Variants in C1QBP observed in about 807,000 individuals in gnomAD.
The protein encoded by C1QBP is complement C1q binding protein.
Under a neutral mutation model 29.4 loss-of-function variants are expected in C1QBP, and 24 were observed. The ratio of observed to expected loss-of-function variants is 0.82; its 90% CI spans 0.59 to 1.15. The LOEUF (loss-of-function observed/expected upper bound fraction) is 1.15. Ranked by LOEUF, C1QBP falls within the 50% of genes most tolerant of loss-of-function variation. The pLI, the probability that C1QBP is intolerant of heterozygous loss-of-function variation, is 0.00. For synonymous variants in C1QBP, 182 were observed against 149.2 expected (o/e 1.22, Z -1.60); for missense variants, 337 against 355.8 (o/e 0.95, Z 0.43).
At chr17:5,438,464 A>G in intron 1 of C1QBP, 191 bp from the exon 2 acceptor site, 2 of 809,012 alleles carry the variant, frequency 2.5e-6, no homozygotes, top group Non-Finnish European at 3.7e-6. Context: ...GATTCTGGAA[A>G]AGTGATTTCC....
Position 5,434,911 on chromosome 17 carries a change from C to T in C1QBP, c.439G>A (p.Glu147Lys). The T allele has an allele frequency of 6.2e-7, 1 of 1,614,134 alleles. No individual in the cohort carries two copies. The highest frequency in any genetic ancestry group is 8.5e-7 in the Non-Finnish European group (1 of 1,179,980). The stretch of plus-strand genomic sequence containing the variant: ...ACCTTCTGCCCTTGCGAGGGTTCCT[C>T]CTCACCATCAAATGTTGGTGGGATG... ...NSIPPTFDGE[E>K]EPSQGQKVEE... The change falls in exon 3 of 6, where the codon GAG (glutamate) becomes AAG (lysine). Residue 147 changes from glutamate (E) to lysine (K), a missense_variant. Glu to Lys is a moderately conservative substitution (Grantham distance 56). Coordinates refer to ENST00000225698, the MANE Select transcript of C1QBP (RefSeq NM_001212.4).
chr17:5,434,773 ATTTT>A (rs59609565), intron 3 of C1QBP, 96 bp downstream of exon 3: 7 of 933,868 alleles, frequency 7.5e-6, no homozygotes, highest in Admixed American at 5.0e-5. Context: ...ACTTAGAGGA[ATTTT>A]TTTTTTTTGA....
chr17:5,433,113 T>C lies in C1QBP; in HGVS notation c.751A>G (p.Thr251Ala). 2.5e-6 allele frequency: 4 copies of C among 1,614,142 alleles called. No homozygotes were observed. Among genetic ancestry groups the C allele is most frequent in the Non-Finnish European group, 3.4e-6 (4 of 1,180,028 alleles). The change falls in exon 6 of 6, where the codon ACT (threonine) becomes GCT (alanine). Residue 251 changes from threonine (T) to alanine (A), a missense_variant. Coordinates refer to ENST00000225698, the MANE Select transcript of C1QBP (RefSeq NM_001212.4). The part of the protein sequence containing the change: ...DFLADRGVDN[T>A]FADELVELST... ...AGCTCCACCAGCTCATCTGCAAAAGTGTTGTCCACCCCTCGGTCGGCAAGG... is the reference window on the plus strand; with the variant it reads ...AGCTCCACCAGCTCATCTGCAAAAGCGTTGTCCACCCCTCGGTCGGCAAGG...
At position 5,438,201 on chromosome 17, in the gene C1QBP, A is replaced by C. The variant is rs1479077348; in HGVS notation, c.305T>G (p.Leu102Arg). 3.1e-6 allele frequency: 5 copies of C among 1,613,862 alleles called. No homozygotes were observed. The highest frequency in any genetic ancestry group is 1.3e-5 in the African/African-American group (1 of 74,918). ...EERKIQKHKT[L>R]PKMSGGWELE... ...CTCCCAACCTCCAGACATCTTAGGGAGGGTTTTATGCTTCTGAATTTTTCT... is the reference window on the plus strand; with the variant it reads ...CTCCCAACCTCCAGACATCTTAGGGCGGGTTTTATGCTTCTGAATTTTTCT... The change falls in exon 2 of 6, where the codon CTC (leucine) becomes CGC (arginine). Residue 102 changes from leucine (L) to arginine (R), a missense_variant. By Grantham distance (102) the Leu-to-Arg change is moderately radical (BLOSUM62 -2). Transcript: ENST00000225698.
chr17:5,433,262 A>G (rs1452473449), intron 5 of C1QBP, 31 bp downstream of exon 5: 6 of 1,613,638 alleles, frequency 3.7e-6, no homozygotes, highest in Non-Finnish European at 5.1e-6. Flanking sequence ...TCCAAGGCCC[A>G]AAAGGTTCCC....
intron 2 of C1QBP, among the ~76,000 whole-genome samples, chr17:5,436,827 G>T (rs946019103): frequency 3.9e-5 from 6 of 152,164 alleles, no homozygotes; most frequent in Non-Finnish European, 2.9e-5. Flanking sequence ...AGACCAGCCT[G>T]GCCAACACGG....
Position 5,438,471 on chromosome 17 carries a change from T to C in C1QBP, c.233-198A>G, listed in dbSNP as rs948662293. On this transcript the variant is annotated intron_variant, in intron 1 of 5. Coordinates refer to ENST00000225698, the MANE Select transcript of C1QBP (RefSeq NM_001212.4). Reference sequence around the variant, plus strand: ...CTGAGCCTGATTCTGGAAAAGTGATTTCCAACAATGAACGCATTACCACTT... The same window carrying C: ...CTGAGCCTGATTCTGGAAAAGTGATCTCCAACAATGAACGCATTACCACTT... 9.0e-6 allele frequency: 7 copies of C among 775,694 alleles called. No homozygotes were observed. The African/African-American group carries it at 1.2e-4, about 14-fold the overall frequency. 48.1% of individuals were successfully genotyped at this position (775,694 alleles called of 1,614,324 possible). A position where few individuals can be genotyped will look rare whatever the true frequency, so the allele number is the denominator to read the frequency against.
chr17:5,437,465 T>C (rs1203599969), intron 2 of C1QBP, among the ~76,000 whole-genome samples: 2 of 152,138 alleles, frequency 1.3e-5, no homozygotes, highest in Non-Finnish European at 2.9e-5. Flanking sequence ...GCCTCCCGAG[T>C]AGCTGGGACT....
At chr17:5,438,373 ATC>A (rs759777520) in intron 1 of C1QBP, 100 bp from the exon 2 acceptor site, 2 of 1,374,358 alleles carry the variant, frequency 1.5e-6, no homozygotes, top group Non-Finnish European at 2.0e-6. Flanking sequence ...ACTGTTTCTA[ATC>A]TCTCTGCTAT....
At position 5,439,058 on chromosome 17, in the gene C1QBP, G is replaced by T. The variant is rs1179890967; in HGVS notation, c.16C>A (p.Arg6Ser). 1 of 1,536,960 alleles carries T rather than the reference G, an allele frequency of 6.5e-7. No individual in the cohort carries two copies. The highest frequency in any genetic ancestry group is 1.2e-5 in the South Asian group (1 of 83,778). ...GAGCCCAGCACACGGGGCACGCAGCGCAGCAGAGGCAGCATCGCGGAAACG... is the reference window on the plus strand; with the variant it reads ...GAGCCCAGCACACGGGGCACGCAGCTCAGCAGAGGCAGCATCGCGGAAACG... MLPLL[R>S]CVPRVLGSSV... Residue 6 changes from arginine to serine, a missense_variant, in exon 1 of 6, where the codon CGC (arginine) becomes AGC (serine). Coordinates refer to ENST00000225698, the MANE Select transcript of C1QBP (RefSeq NM_001212.4).
chr17:5,436,878 C>T (rs1025325252), intron 2 of C1QBP, among the ~76,000 whole-genome samples: 10 of 152,044 alleles, frequency 6.6e-5, no homozygotes, highest in Admixed American at 1.3e-4. Context: ...ATTAACCGGA[C>T]GCACGCCTGT....
Position 5,433,061 on chromosome 17 carries a change from T to C in C1QBP, c.803A>G (p.Tyr268Cys). The stretch of plus-strand genomic sequence containing the variant: ...CTTGAGGTCTTCAAGAAAAGTAATG[T>C]ACTCCTGGTGCTCCAGGGCTGTGCT... ...ELSTALEHQE[Y>C]ITFLEDLKSF... The change falls in exon 6 of 6, where the codon TAC becomes TGC. Residue 268 changes from tyrosine (Y) to cysteine (C), a missense_variant. Coordinates refer to ENST00000225698, the MANE Select transcript of C1QBP (RefSeq NM_001212.4). The C allele has an allele frequency of 3.1e-6, 5 of 1,614,090 alleles. No individual in the cohort carries two copies. Among genetic ancestry groups the C allele is most frequent in the Non-Finnish European group, 4.2e-6 (5 of 1,180,004 alleles).
chr17:5,439,121 C>T lies in C1QBP; in HGVS notation c.-48G>A, dbSNP rs1448598636. On this transcript the variant is annotated 5_prime_UTR_variant, in exon 1 of 6. Coordinates refer to ENST00000225698, the MANE Select transcript of C1QBP (RefSeq NM_001212.4). Reference sequence around the variant, plus strand: ...TGCAGATGCAAAGGACAACCCAGGCCTAGGCGCCCCGCGACCTGAGGCGCC... The same window carrying T: ...TGCAGATGCAAAGGACAACCCAGGCTTAGGCGCCCCGCGACCTGAGGCGCC... The T allele has an allele frequency of 2.6e-6, 4 of 1,534,750 alleles. No homozygotes were observed. The highest frequency in any genetic ancestry group is 1.2e-5 in the South Asian group (1 of 83,544).
Position 5,438,497 on chromosome 17 carries a change from T to A in C1QBP, c.233-224A>T. The A allele has an allele frequency of 7.1e-6, 5 of 702,810 alleles. No homozygotes were observed. The South Asian group carries it at 1.0e-4, about 14-fold the overall frequency. 43.5% of individuals were successfully genotyped at this position (702,810 alleles called of 1,614,324 possible). A position where few individuals can be genotyped will look rare whatever the true frequency, so the allele number is the denominator to read the frequency against. ...TCCAACAATGAACGCATTACCACTT[T>A]CCGCTATAAACCAGGAGAATTTCCA... On this transcript the variant is annotated intron_variant, in intron 1 of 5. Coordinates refer to ENST00000225698, the MANE Select transcript of C1QBP (RefSeq NM_001212.4).
chr17:5,436,846 T>A (rs536345867), intron 2 of C1QBP, among the ~76,000 whole-genome samples: 1 of 151,974 alleles, frequency 6.6e-6, no homozygotes, highest in African/African-American at 2.4e-5. Context: ...GGTGAAACCC[T>A]GTCTCTACTA....
Position 5,433,768 on chromosome 17 carries a change from C to G in C1QBP, c.478-1G>C, listed in dbSNP as rs1271625593. Reference sequence around the variant, plus strand: ...AATTGGGAGTTGATGTCAGTTCAGGCTGGGGAAACAAGAAGTCAATACATG... The same window carrying G: ...AATTGGGAGTTGATGTCAGTTCAGGGTGGGGAAACAAGAAGTCAATACATG... On this transcript the variant is annotated splice_acceptor_variant, in intron 3 of 5. Coordinates refer to ENST00000225698, the MANE Select transcript of C1QBP (RefSeq NM_001212.4). LOFTEE classifies it high-confidence loss of function. 2.5e-6 allele frequency: 4 copies of G among 1,613,772 alleles called. No homozygotes were observed. Among genetic ancestry groups the G allele is most frequent in the African/African-American group, 1.3e-5 (1 of 74,922 alleles).
chr17:5,437,869 G>C (rs554423231), intron 2 of C1QBP, among the ~76,000 whole-genome samples: 4 of 152,322 alleles, frequency 2.6e-5, no homozygotes, highest in African/African-American at 4.8e-5. Flanking sequence ...CTGTAAATCA[G>C]AGATCAAACT....
At chr17:5,438,428 C>CG in intron 1 of C1QBP, 155 bp from the exon 2 acceptor site, 2 of 996,536 alleles carry the variant, frequency 2.0e-6, no homozygotes, top group South Asian at 3.6e-5. Flanking sequence ...GTAAAAATAC[C>CG]ATAATAGTAG....
chr17:5,437,366 T>C (rs1368841887), intron 2 of C1QBP, among the ~76,000 whole-genome samples: 2 of 152,272 alleles, frequency 1.3e-5, no homozygotes, highest in Non-Finnish European at 2.9e-5. Context: ...AGATGGCGTC[T>C]TGCTCTGTTG....
Sources: allele counts gnomAD v4.1 joint callset (sites outside exome capture counted in the v4.1 genomes callset), GRCh38; gene constraint gnomAD v4.1.1; transcripts MANE v1.5; gene names NCBI Gene and HGNC (gene_info 2026-07-23, HGNC 2026-07-21).